GRIA3: variants seen among roughly 807,000 people sequenced by gnomAD.
GRIA3 encodes the protein glutamate receptor 3.
Under a neutral mutation model 63.0 loss-of-function variants are expected in GRIA3, and 3 were observed. The ratio of observed to expected loss-of-function variants is 0.05; its 90% CI spans 0.02 to 0.12. The LOEUF (loss-of-function observed/expected upper bound fraction) is 0.12. GRIA3 is among the 10% of genes least tolerant of loss of function. The pLI is 1.00. For missense variants in GRIA3, 347 were observed against 700.9 expected, an observed-to-expected ratio of 0.50 and a Z score of 5.70; for synonymous variants, 274 against 257.9, an observed-to-expected ratio of 1.06 and a Z score of -0.60.
At chrX:123,303,041 C>T (rs1285839792) in intron 3 of GRIA3, among the ~76,000 whole-genome samples, 2 of 111,381 alleles carry the variant, frequency 1.8e-5, no homozygotes, top group African/African-American at 6.5e-5. Context: ...AGAATGGTCT[C>T]CTATTACTTT....
At chrX:123,248,821 G>T (rs922779217) in intron 2 of GRIA3, among the ~76,000 whole-genome samples, 5 of 111,659 alleles carry the variant, frequency 4.5e-5, no homozygotes, top group Admixed American at 2.8e-4. Flanking sequence ...AAAGAGAAAT[G>T]GGTGTGCTTC....
chrX:123,202,993 A>C (rs1244510699), intron 2 of GRIA3, among the ~76,000 whole-genome samples: 1 of 112,058 alleles, frequency 8.9e-6, no homozygotes, highest in Non-Finnish European at 1.9e-5. Flanking sequence ...TGAAAATATA[A>C]ATACTGTCAG....
At chrX:123,229,100 A>G (rs1381568909) in intron 2 of GRIA3, among the ~76,000 whole-genome samples, 4 of 111,365 alleles carry the variant, frequency 3.6e-5, no homozygotes, top group Non-Finnish European at 7.6e-5. Flanking sequence ...TTGGCAGTGG[A>G]AAAAAATCTG....
intron 3 of GRIA3, among the ~76,000 whole-genome samples, chrX:123,322,282 C>T (rs998177225): frequency 3.6e-5 from 4 of 112,015 alleles, no homozygotes; most frequent in African/African-American, 1.3e-4. Flanking sequence ...CTAGCATTCA[C>T]CCACTTACCT....
intron 5 of GRIA3, among the ~76,000 whole-genome samples, chrX:123,372,304 T>C (rs778082755): frequency 2.7e-5 from 3 of 112,013 alleles, no homozygotes; most frequent in Non-Finnish European, 5.6e-5. Context: ...AGTCAGGCAA[T>C]GTGATTCCTC....
intron 2 of GRIA3, among the ~76,000 whole-genome samples, chrX:123,223,289 G>A (rs1038509810): frequency 8.9e-6 from 1 of 112,658 alleles, no homozygotes; most frequent in South Asian, 3.6e-4. Context: ...CAACAGATAC[G>A]CAGGAGTTTT....
chrX:123,434,990 G>A (rs2045636974), intron 12 of GRIA3, among the ~76,000 whole-genome samples: 2 of 112,584 alleles, frequency 1.8e-5, no homozygotes, highest in South Asian at 7.5e-4. Flanking sequence ...TTCATGCTAA[G>A]CACTGACGAT....
chrX:123,360,229 T>G (rs1460310516), intron 5 of GRIA3, among the ~76,000 whole-genome samples: 1 of 110,563 alleles, frequency 9.0e-6, no homozygotes, highest in African/African-American at 3.3e-5. Flanking sequence ...AGCACCTCGC[T>G]CTTCCCACTT....
chrX:123,390,644 T>A (rs1021527454), intron 5 of GRIA3, among the ~76,000 whole-genome samples: 2 of 112,043 alleles, frequency 1.8e-5, no homozygotes, highest in Non-Finnish European at 3.8e-5. Context: ...GATTTAGGGA[T>A]CTCTGAGCTT....
At chrX:123,432,974 T>A (rs2045626410) in intron 12 of GRIA3, among the ~76,000 whole-genome samples, 1 of 111,623 alleles carries the variant, frequency 9.0e-6, no homozygotes, top group African/African-American at 3.3e-5. Flanking sequence ...ACTTGTATAG[T>A]GCATCATTTT....
intron 5 of GRIA3, among the ~76,000 whole-genome samples, chrX:123,379,509 G>A (rs2045307527): frequency 9.1e-6 from 1 of 109,830 alleles, no homozygotes; most frequent in South Asian, 3.9e-4. Flanking sequence ...GTGTATGTTT[G>A]CTGGTCAGTT....
At chrX:123,186,455 G>A (rs777248471) in intron 2 of GRIA3, among the ~76,000 whole-genome samples, 1 of 111,952 alleles carries the variant, frequency 8.9e-6, no homozygotes, top group Admixed American at 9.4e-5. Flanking sequence ...CTCTAGGAAC[G>A]AGCTGAATTT....
At chrX:123,204,139 C>T (rs1225189100) in intron 2 of GRIA3, among the ~76,000 whole-genome samples, 1 of 111,873 alleles carries the variant, frequency 8.9e-6, no homozygotes, top group East Asian at 2.8e-4. Flanking sequence ...ACTATAATGG[C>T]GTATTTGCAA....
At chrX:123,278,713 T>A (rs150725740) in intron 3 of GRIA3, among the ~76,000 whole-genome samples, 83 of 112,505 alleles carry the variant, frequency 7.4e-4, no homozygotes, top group Middle Eastern at 4.6e-3. Context: ...CTTGGCATCT[T>A]GGCCAAAAAT....
intron 12 of GRIA3, among the ~76,000 whole-genome samples, chrX:123,445,826 G>A (rs1020974759): frequency 8.9e-6 from 1 of 112,042 alleles, no homozygotes; most frequent in African/African-American, 3.2e-5. Flanking sequence ...CCTAGGAGGA[G>A]GGCTTTCAGA....
At chrX:123,252,689 C>T (rs1398871157) in intron 2 of GRIA3, among the ~76,000 whole-genome samples, 1 of 111,374 alleles carries the variant, frequency 9.0e-6, no homozygotes, top group Non-Finnish European at 1.9e-5. Flanking sequence ...GCAGGATAGG[C>T]AGCCACCTAA....
At chrX:123,374,902 G>C in intron 5 of GRIA3, among the ~76,000 whole-genome samples, 1 of 111,842 alleles carries the variant, frequency 8.9e-6, no homozygotes, top group Non-Finnish European at 1.9e-5. Flanking sequence ...GAATAGGAGT[G>C]GTGAGAAAGG....
At chrX:123,328,181 ATATC>A (rs776660988) in intron 4 of GRIA3, among the ~76,000 whole-genome samples, 194 of 111,719 alleles carry the variant, frequency 1.7e-3, no homozygotes, top group Middle Eastern at 4.6e-3. Flanking sequence ...GGGCACTTAA[ATATC>A]TATGCCTCAG....
chrX:123,324,280 T>G (rs1415507386), intron 3 of GRIA3, among the ~76,000 whole-genome samples: 1 of 112,342 alleles, frequency 8.9e-6, no homozygotes, highest in Non-Finnish European at 1.9e-5. Flanking sequence ...TTAAAAAAGT[T>G]TACTTTAAAT....
Sources: gnomAD v4.1 joint callset for allele counts (sites outside exome capture counted in the v4.1 genomes callset) on GRCh38, gnomAD v4.1.1 for gene constraint, MANE v1.5 for transcripts, NCBI Gene and HGNC (gene_info 2026-07-23, HGNC 2026-07-21) for gene names.